Variants in PARD3 observed in about 807,000 individuals in gnomAD.
PARD3 encodes par-3 family cell polarity regulator.
Under a neutral mutation model 155.4 loss-of-function variants are expected in PARD3, and 75 were observed. That is an observed-to-expected ratio of 0.48 (90% confidence interval 0.40 to 0.58). The LOEUF (loss-of-function observed/expected upper bound fraction) is 0.58. Among genes scored for constraint, PARD3 ranks in the 20% least tolerant of loss-of-function variants. PARD3 has a pLI of 0.00. For missense variants in PARD3, 1,642 were observed against 1,721.7 expected (o/e 0.95, Z 0.82); for synonymous variants, 576 against 610.5 (o/e 0.94, Z 0.83).
At position 34,331,001 on chromosome 10, in the gene PARD3, C is replaced by G. The variant is rs1835560245; in HGVS notation, c.2833+116G>C. The G allele has an allele frequency of 1.7e-5, 12 of 700,230 alleles. No individual in the cohort carries two copies. The South Asian group carries it at 2.3e-4, about 13-fold the overall frequency. The allele number at this position is 700,230 out of a possible 1,614,324, so 43.4% of individuals were successfully genotyped here. A position where few individuals can be genotyped will look rare whatever the true frequency, so the allele number is the denominator to read the frequency against. On this transcript the variant is annotated intron_variant, in intron 19 of 24. Coordinates refer to ENST00000374788, the MANE Select transcript of PARD3 (RefSeq NM_001184785.2). ...TATGAAATAAGAGATTATTAGACCT[C>G]AGAGATCTCAGAGATTACCCTGAAG...
intron 22 of PARD3, among the ~76,000 whole-genome samples, chr10:34,161,298 A>T (rs542503034): frequency 6.7e-6 from 1 of 150,252 alleles, no homozygotes; most frequent in South Asian, 2.1e-4. Flanking sequence ...AAATGGGGAG[A>T]AGAGGGGAGT....
At chr10:34,643,214 G>A (rs1019932584) in intron 2 of PARD3, among the ~76,000 whole-genome samples, 7 of 152,326 alleles carry the variant, frequency 4.6e-5, no homozygotes, top group Non-Finnish European at 8.8e-5. Flanking sequence ...GCTCTCACTG[G>A]CTCACCTGGA....
intron 22 of PARD3, among the ~76,000 whole-genome samples, chr10:34,160,912 G>A (rs1385401602): frequency 3.3e-5 from 5 of 152,132 alleles, no homozygotes; most frequent in Admixed American, 6.5e-5. Context: ...TATCCCATAT[G>A]AGGTTAAGTT....
In PARD3 at chr10:34,350,966, A is replaced by C. The variant is rs138449800; in HGVS notation, c.2068-2851T>G. Among the ~76,000 whole-genome samples, 999 of 152,314 alleles carry C rather than the reference A, an allele frequency of 6.6e-3. 11 individuals carry two copies. The highest frequency in any genetic ancestry group is 0.023 in the African/African-American group (969 of 41,558). On this transcript the variant is annotated intron_variant, in intron 14 of 24. Transcript: ENST00000374788. Reference sequence around the variant, plus strand: ...AAAAAATCTTATTTTTAACTCTTTGAACAGGCCTTTATTTCATGTTGTGGT... The same window carrying C: ...AAAAAATCTTATTTTTAACTCTTTGCACAGGCCTTTATTTCATGTTGTGGT...
intron 1 of PARD3, among the ~76,000 whole-genome samples, chr10:34,762,292 G>C (rs1253158820): frequency 1.3e-5 from 1 of 75,844 alleles, no homozygotes; most frequent in Non-Finnish European, 2.8e-5. Flanking sequence ...CAGAGAGACA[G>C]AGAGAGAGAG....
Position 34,509,613 on chromosome 10 carries a change from C to T in PARD3, c.403+7366G>A, listed in dbSNP as rs146852432. On this transcript the variant is annotated intron_variant, in intron 3 of 24. Coordinates refer to ENST00000374788, the MANE Select transcript of PARD3 (RefSeq NM_001184785.2). ...AATGATGCATAAAATGGAAAAAGTA[C>T]AATACTGAAATATTTAAAGTTAAAT... is the stretch of plus-strand genomic sequence containing the variant. Among the ~76,000 whole-genome samples, 14 of 152,028 alleles carry T rather than the reference C, an allele frequency of 9.2e-5. No homozygotes were observed. The East Asian group carries it at 2.7e-3, about 29-fold the overall frequency.
In PARD3 at chr10:34,559,319, G is replaced by A. The variant is rs541462465; in HGVS notation, c.223-42160C>T. Among the ~76,000 whole-genome samples the A allele has an allele frequency of 6.8e-4, 104 of 152,160 alleles. 3 individuals carry two copies. Among genetic ancestry groups the A allele is most frequent in the Admixed American group, 6.3e-3 (97 of 15,278 alleles). On this transcript the variant is annotated intron_variant, in intron 2 of 24. Coordinates refer to ENST00000374788, the MANE Select transcript of PARD3 (RefSeq NM_001184785.2). Reference sequence around the variant, plus strand: ...GTGATTTTCTAAAACCCATGCCTTCGGTGGAATGTCTTGGCTTCTTATTTG... The same window carrying A: ...GTGATTTTCTAAAACCCATGCCTTCAGTGGAATGTCTTGGCTTCTTATTTG...
intron 1 of PARD3, among the ~76,000 whole-genome samples, chr10:34,803,259 A>C (rs1588834525): frequency 6.6e-6 from 1 of 151,626 alleles, no homozygotes; most frequent in East Asian, 1.9e-4. Context: ...ATAATAACAA[A>C]AAAAAAAAAA....
chr10:34,528,868 T>C (rs916074134), intron 2 of PARD3, among the ~76,000 whole-genome samples: 2 of 152,064 alleles, frequency 1.3e-5, no homozygotes, highest in Non-Finnish European at 2.9e-5. Flanking sequence ...CCAAGGCTAA[T>C]GGAAAGGTGG....
At chr10:34,794,107 G>A (rs183925088) in intron 1 of PARD3, among the ~76,000 whole-genome samples, 21 of 152,140 alleles carry the variant, frequency 1.4e-4, no homozygotes, top group Middle Eastern at 6.8e-3. Flanking sequence ...CACAGTCAGC[G>A]GGGGGTGGGG....
chr10:34,482,585 T>C (rs1221808695), intron 3 of PARD3, among the ~76,000 whole-genome samples: 1 of 146,144 alleles, frequency 6.8e-6, no homozygotes, highest in Non-Finnish European at 1.5e-5. Context: ...GTTAGAAGAG[T>C]ACTAAATACC....
intron 3 of PARD3, among the ~76,000 whole-genome samples, chr10:34,486,562 T>A (rs2079484388): frequency 6.6e-6 from 1 of 152,200 alleles, no homozygotes; most frequent in South Asian, 2.1e-4. Flanking sequence ...GTACCAGATG[T>A]GATTGGAAAC....
At chr10:34,323,607 A>G (rs1364584305) in intron 19 of PARD3, among the ~76,000 whole-genome samples, 1 of 152,244 alleles carries the variant, frequency 6.6e-6, no homozygotes, top group East Asian at 1.9e-4. Flanking sequence ...GGGTGAAGGA[A>G]GAAAAACAAT....
intron 2 of PARD3, among the ~76,000 whole-genome samples, chr10:34,590,763 G>A (rs1257850531): frequency 6.6e-6 from 1 of 152,160 alleles, no homozygotes; most frequent in Non-Finnish European, 1.5e-5. Flanking sequence ...GGCACACCCA[G>A]AGTCTAGATT....
chr10:34,507,550 A>AAAAAAAAAAAAAC lies in PARD3; in HGVS notation c.403+9428_403+9429insGTTTTTTTTTTTT, dbSNP rs1554880669. ...GACATTCAGATCAATTAAAAAAACA[A>AAAAAAAAAAAAAC]AAAAAAAAAAACAAAAAAGGAGATA... is the stretch of plus-strand genomic sequence containing the variant. On this transcript the variant is annotated intron_variant, in intron 3 of 24. Transcript: ENST00000374788. Among the ~76,000 whole-genome samples, 271 of 129,184 alleles carry AAAAAAAAAAAAAC rather than the reference A, an allele frequency of 2.1e-3. 4 individuals carry two copies. The highest frequency in any genetic ancestry group is 8.9e-3 in the African/African-American group (248 of 27,852). The allele number at this position is 129,184 out of a possible 152,430, so 84.7% of individuals were successfully genotyped here.
chr10:34,759,107 T>A (rs188542434), intron 1 of PARD3, among the ~76,000 whole-genome samples: 4 of 152,004 alleles, frequency 2.6e-5, no homozygotes, highest in African/African-American at 9.6e-5. Context: ...ATACTGAAAC[T>A]TTTTTAAAAA....
At chr10:34,309,371 C>T (rs1471145958) in intron 20 of PARD3, among the ~76,000 whole-genome samples, 3 of 151,786 alleles carry the variant, frequency 2.0e-5, no homozygotes, top group Non-Finnish European at 4.4e-5. Context: ...CCAACCTGGT[C>T]AACAAAGTGA....
chr10:34,536,952 ATAAACT>A (rs2083273910), intron 2 of PARD3, among the ~76,000 whole-genome samples: 1 of 152,244 alleles, frequency 6.6e-6, no homozygotes, highest in South Asian at 2.1e-4. Context: ...GGCTTCAGTG[ATAAACT>A]TAATTGGGGT....
At chr10:34,118,267 T>A (rs981167245) in intron 24 of PARD3, among the ~76,000 whole-genome samples, 2 of 152,232 alleles carry the variant, frequency 1.3e-5, no homozygotes, top group African/African-American at 2.4e-5. Context: ...TGGAGACTCA[T>A]TCACATCCAT....
Sources: gnomAD v4.1 joint callset for allele counts (sites outside exome capture counted in the v4.1 genomes callset) on GRCh38, gnomAD v4.1.1 for gene constraint, MANE v1.5 for transcripts, NCBI Gene and HGNC (gene_info 2026-07-23, HGNC 2026-07-21) for gene names.